The following CYLD variants were observed in gnomAD, a reference collection of about 807,000 sequenced individuals.
CYLD encodes the protein CYLD lysine 63 deubiquitinase.
CYLD carries 26 observed loss-of-function variants against 104.5 expected under a neutral mutation model. The observed-to-expected ratio is 0.25, with a 90% confidence interval of 0.18 to 0.35. The LOEUF is 0.35. Ranked by LOEUF, CYLD falls within the 10% of genes least tolerant of loss-of-function variation. The pLI, the probability that CYLD is intolerant of heterozygous loss-of-function variation, is 1.00. For synonymous variants in CYLD, 385 were observed against 399.9 expected (o/e 0.96, Z 0.45); for missense variants, 703 against 1,136.1 (o/e 0.62, Z 5.48).
At chr16:50,786,572 C>T in intron 12 of CYLD, 1 of 332,626 alleles carries the variant, frequency 3.0e-6, no homozygotes, top group Non-Finnish European at 5.7e-6. Flanking sequence ...GCAGCCTGGC[C>T]AACATGGTGA....
intron 15 of CYLD, 103 bp downstream of exon 15, chr16:50,791,793 TGAAACACAAACTGTTAA>T: frequency 7.6e-7 from 1 of 1,318,338 alleles, no homozygotes; most frequent in Non-Finnish European, 1.1e-6. Flanking sequence ...GAGAAAAGTT[TGAAACACAAACTGTTAA>T]GAAACACAAA....
rs1250024778 is a variant in CYLD, at chr16:50,793,661, T to G, written c.2466T>G (p.Thr822=). 1 of 1,590,832 alleles carries G rather than the reference T, an allele frequency of 6.3e-7. No homozygotes were observed. Among genetic ancestry groups the G allele is most frequent in the South Asian group, 1.1e-5 (1 of 90,548 alleles). The part of the protein sequence containing the change: ...KIKQFCKTCN[T]QVHLHPKRLN... ...AGCAGTTTTGTAAAACCTGCAACAC[T>G]CAAGTGAGCTTCCCTTCACTTAATG... Residue 822 remains threonine, a synonymous_variant, in exon 17 of 19, where the codon ACT becomes ACG. Coordinates refer to ENST00000427738, the MANE Select transcript of CYLD (RefSeq NM_001378743.1).
In CYLD at chr16:50,796,946, T is replaced by C; in HGVS notation, c.*438T>C. On this transcript the variant is annotated 3_prime_UTR_variant, in exon 19 of 19. Coordinates refer to ENST00000427738, the MANE Select transcript of CYLD (RefSeq NM_001378743.1). ...TTGCCTTGAGGAAGAAATAATTTGG[T>C]TTTATTAAGAGTCTACTCTCAATCC... 1 of 312,506 alleles carries C rather than the reference T, an allele frequency of 3.2e-6. No homozygotes were observed. The highest frequency in any genetic ancestry group is 5.4e-5 in the South Asian group (1 of 18,494). The allele number at this position is 312,506 out of a possible 1,614,324, so 19.4% of individuals were successfully genotyped here.
At chr16:50,792,822 T>G in intron 16 of CYLD, 117 bp downstream of exon 16, 1 of 631,344 alleles carries the variant, frequency 1.6e-6, no homozygotes. Context: ...CAATTCAGTA[T>G]CTGAAGAGCC....
At chr16:50,762,602 A>C (rs556367709) in intron 5 of CYLD, among the ~76,000 whole-genome samples, 1 of 152,360 alleles carries the variant, frequency 6.6e-6, no homozygotes, top group East Asian at 1.9e-4. Context: ...AAGTTTAACT[A>C]TCAGCTTCTC....
chr16:50,785,694 G>A (rs576213957), intron 12 of CYLD: 12 of 152,272 alleles, frequency 7.9e-5, no homozygotes, highest in African/African-American at 2.4e-4. Context: ...TTCTTACCCT[G>A]TCCACGGTAA....
intron 11 of CYLD, among the ~76,000 whole-genome samples, chr16:50,783,417 A>G (rs1339989023): frequency 6.6e-6 from 1 of 152,168 alleles, no homozygotes; most frequent in Non-Finnish European, 1.5e-5. Context: ...CGGCCATTTT[A>G]TTTGCAGAAT....
At position 50,749,437 on chromosome 16, in the gene CYLD, A is replaced by C. The variant is rs1476505260; in HGVS notation, c.-123-139A>C. On this transcript the variant is annotated intron_variant, in intron 2 of 18. Coordinates refer to ENST00000427738, the MANE Select transcript of CYLD (RefSeq NM_001378743.1). Reference sequence around the variant, plus strand: ...GCCCTTTTAGATATTTTTTGAAAATATTTCATTTGTGTGTATGTGTTTACT... The same window carrying C: ...GCCCTTTTAGATATTTTTTGAAAATCTTTCATTTGTGTGTATGTGTTTACT... The C allele has an allele frequency of 7.3e-6, 4 of 547,616 alleles. No homozygotes were observed. In the East Asian group the frequency reaches 1.2e-4, roughly 16 times the overall value. 33.9% of individuals were successfully genotyped at this position (547,616 alleles called of 1,614,324 possible).
Position 50,782,479 on chromosome 16 carries a change from AG to A in CYLD, c.1826+14del. On this transcript the variant is annotated intron_variant, in intron 11 of 18. Transcript: ENST00000427738. ...CAACCTTATTCTGGTAAGTTTAAAA[AG>A]AATGCAATAGGTATAGATAGTGCCA... 6.2e-7 allele frequency: 1 copy of A among 1,613,548 alleles called. No homozygotes were observed. Among genetic ancestry groups the A allele is most frequent in the Non-Finnish European group, 8.5e-7 (1 of 1,179,486 alleles).
intron 1 of CYLD, chr16:50,742,410 C>T (rs544685278): frequency 4.4e-5 from 8 of 180,488 alleles, no homozygotes; most frequent in Non-Finnish European, 9.3e-5. Flanking sequence ...TTTCCCCCCC[C>T]CACCGGGGCT....
In CYLD at chr16:50,801,147, T is replaced by G. The variant is rs1597108840; in HGVS notation, c.*4639T>G. ...GAGGGGAGAAAGACTGTTCATCTTA[T>G]TCTGAATCCTGGAGCAGCTGAAGGT... On this transcript the variant is annotated 3_prime_UTR_variant, in exon 19 of 19. Coordinates refer to ENST00000427738, the MANE Select transcript of CYLD (RefSeq NM_001378743.1). 1 of 233,484 alleles carries G rather than the reference T, an allele frequency of 4.3e-6. No individual in the cohort carries two copies. Among genetic ancestry groups the G allele is most frequent in the East Asian group, 6.0e-5 (1 of 16,726 alleles). 14.5% of individuals were successfully genotyped at this position (233,484 alleles called of 1,614,324 possible).
intron 2 of CYLD, among the ~76,000 whole-genome samples, chr16:50,744,422 G>A (rs1196409717): frequency 6.6e-6 from 1 of 152,150 alleles, no homozygotes. Context: ...TTGGAAAAAG[G>A]CCCACATGTC....
chr16:50,777,847 T>C lies in CYLD; in HGVS notation c.1044T>C (p.Asn348=), dbSNP rs1969842520. The part of the protein sequence containing the change: ...KATGSTSDPG[N]RNRSELFYTL... ...TAGGATCTACCTCAGACCCTGGAAA[T>C]AGAAACAGATCTGAATTATTTTATA... is the stretch of plus-strand genomic sequence containing the variant. The change falls in exon 8 of 19, where the codon AAT becomes AAC. Residue 348 remains asparagine, a synonymous_variant. Transcript: ENST00000427738. The C allele has an allele frequency of 2.5e-6, 4 of 1,603,270 alleles. No homozygotes were observed. The highest frequency in any genetic ancestry group is 3.4e-6 in the Non-Finnish European group (4 of 1,170,744).
chr16:50,774,889 C>T (rs542376179), intron 5 of CYLD, among the ~76,000 whole-genome samples: 3 of 152,202 alleles, frequency 2.0e-5, no homozygotes, highest in Admixed American at 1.3e-4. Context: ...ATCACTTGAT[C>T]GAAATCGTGG....
intron 2 of CYLD, among the ~76,000 whole-genome samples, chr16:50,744,197 T>C (rs987929646): frequency 2.0e-5 from 3 of 152,118 alleles, no homozygotes; most frequent in African/African-American, 7.2e-5. Context: ...TCTTTTCTTT[T>C]TTTTTTTTAA....
intron 6 of CYLD, 89 bp from the exon 7 acceptor site, chr16:50,776,090 G>C (rs1969649919): frequency 1.1e-6 from 1 of 943,836 alleles, no homozygotes; most frequent in African/African-American, 1.6e-5. Context: ...TTTGTGGAAA[G>C]AGGGTTTTTT....
chr16:50,789,382 C>T (rs763139975), intron 14 of CYLD, among the ~76,000 whole-genome samples: 21 of 151,992 alleles, frequency 1.4e-4, no homozygotes, highest in Non-Finnish European at 2.5e-4. Context: ...TCGTTTTTAC[C>T]CTTTTTCTAG....
chr16:50,751,212 T>C (rs753478120), intron 3 of CYLD, among the ~76,000 whole-genome samples: 3 of 152,234 alleles, frequency 2.0e-5, no homozygotes, highest in Non-Finnish European at 2.9e-5. Context: ...ACATGACTTG[T>C]AGTGTTTTTG....
chr16:50,791,492 C>T, intron 14 of CYLD, 66 bp from the exon 15 acceptor site: 1 of 1,573,114 alleles, frequency 6.4e-7, no homozygotes, highest in Non-Finnish European at 8.7e-7. Context: ...GCTGGGACAA[C>T]TTAACATTTT....
Sources: allele counts gnomAD v4.1 joint callset (sites outside exome capture counted in the v4.1 genomes callset), GRCh38; gene constraint gnomAD v4.1.1; transcripts MANE v1.5; gene names NCBI Gene and HGNC (gene_info 2026-07-23, HGNC 2026-07-21).